Variants in ADAMTS12 observed in about 807,000 individuals in gnomAD.
ADAMTS12 encodes ADAM metallopeptidase with thrombospondin type 1 motif 12.
ADAMTS12 carries 118 observed loss-of-function variants against 167.8 expected under a neutral mutation model. The ratio of observed to expected loss-of-function variants is 0.70; its 90% confidence interval spans 0.61 to 0.82. The LOEUF is 0.82. Ranked by LOEUF, ADAMTS12 falls within the 40% of genes least tolerant of loss-of-function variation. ADAMTS12 has a pLI of 0.00. For synonymous variants in ADAMTS12, 704 were observed against 716.9 expected (o/e 0.98, Z 0.29); for missense variants, 1,916 against 1,998.8 (o/e 0.96, Z 0.79).
chr5:33,615,856 C>G lies in ADAMTS12; in HGVS notation c.2360G>C (p.Gly787Ala). The G allele has an allele frequency of 6.2e-7, 1 of 1,614,162 alleles. No individual in the cohort carries two copies. The highest frequency in any genetic ancestry group is 8.5e-7 in the Non-Finnish European group (1 of 1,180,004). The change falls in exon 15 of 24, where the codon GGT (glycine) becomes GCT (alanine). Residue 787 changes from glycine (G) to alanine (A), a missense_variant. Coordinates refer to ENST00000504830, the MANE Select transcript of ADAMTS12 (RefSeq NM_030955.4). The stretch of plus-strand genomic sequence containing the variant: ...GATCCACACAGACTCATTGGTGGGA[C>G]CTGTGGCCATCAGCTTTTCCAGGTC... ...KGDLEKLMAT[G>A]PTNESVWIQL...
intron 5 of ADAMTS12, among the ~76,000 whole-genome samples, chr5:33,666,389 G>T (rs755901477): frequency 4.6e-5 from 7 of 152,238 alleles, no homozygotes; most frequent in Non-Finnish European, 1.0e-4. Flanking sequence ...TCCACAGGAT[G>T]GGGGAGAGGC....
Position 33,642,074 on chromosome 5 carries a change from A to AT in ADAMTS12, c.1573-120dup, listed in dbSNP as rs1740481020. On this transcript the variant is annotated intron_variant, in intron 10 of 23. Transcript: ENST00000504830. ...AAGCAAGCCGGCTTTCTACAGTCAC[A>AT]TATCAGATGTAAAACAAACAGGGGC... 8 of 1,034,482 alleles carry AT rather than the reference A, an allele frequency of 7.7e-6. No homozygotes were observed. In the South Asian group the frequency reaches 1.6e-4, roughly 21 times the overall value. The allele number at this position is 1,034,482 out of a possible 1,614,324, so 64.1% of individuals were successfully genotyped here. A position where few individuals can be genotyped will look rare whatever the true frequency, so the allele number is the denominator to read the frequency against.
chr5:33,553,554 T>A (rs1006067577), intron 20 of ADAMTS12, among the ~76,000 whole-genome samples: 2 of 152,244 alleles, frequency 1.3e-5, no homozygotes, highest in African/African-American at 4.8e-5. Flanking sequence ...TGAGATCATG[T>A]CCTTTGCAGG....
rs567878944 is a variant in ADAMTS12, at chr5:33,804,530, T to C, written c.490-52982A>G. Among the ~76,000 whole-genome samples, 3 of 152,346 alleles carry C rather than the reference T, an allele frequency of 2.0e-5. No individual in the cohort carries two copies. In the East Asian group the frequency reaches 5.8e-4, roughly 29 times the overall value. ...CAGATGTGTGAGCAAGAATAAATGA[T>C]GGCTGTTTAAAGCCACTGAGTTTTA... On this transcript the variant is annotated intron_variant, in intron 2 of 23. Coordinates refer to ENST00000504830, the MANE Select transcript of ADAMTS12 (RefSeq NM_030955.4).
chr5:33,885,358 G>A (rs1222119462), intron 1 of ADAMTS12, among the ~76,000 whole-genome samples: 4 of 151,998 alleles, frequency 2.6e-5, no homozygotes, highest in Non-Finnish European at 5.9e-5. Context: ...TGAGATTTGG[G>A]GTGTGGTTTT....
chr5:33,739,268 A>AAC (rs1036389309), intron 3 of ADAMTS12, among the ~76,000 whole-genome samples: 5 of 151,610 alleles, frequency 3.3e-5, no homozygotes, highest in Admixed American at 1.3e-4. Context: ...CACACACATA[A>AAC]ACACACACAC....
chr5:33,693,673 T>A (rs200973261), intron 3 of ADAMTS12, among the ~76,000 whole-genome samples: 12 of 145,100 alleles, frequency 8.3e-5, no homozygotes, highest in Admixed American at 8.2e-4. Flanking sequence ...TACCTCACAA[T>A]ATAAAGAGTC....
rs546047216 is a variant in ADAMTS12 at position 33,675,880 on chromosome 5, C to CA, written c.915+7137dup. The stretch of plus-strand genomic sequence containing the variant: ...TTAAATTGAGGCAGCCCTAAGCACA[C>CA]AAAAAATGCAACAGGACTTCAGAGA... On this transcript the variant is annotated intron_variant, in intron 5 of 23. Coordinates refer to ENST00000504830, the MANE Select transcript of ADAMTS12 (RefSeq NM_030955.4). Among the ~76,000 whole-genome samples, 20 of 152,172 alleles carry CA rather than the reference C, an allele frequency of 1.3e-4. No individual in the cohort carries two copies. The East Asian group carries it at 3.9e-3, about 29-fold the overall frequency.
At chr5:33,695,195 T>C (rs370074469) in intron 3 of ADAMTS12, among the ~76,000 whole-genome samples, 6 of 152,206 alleles carry the variant, frequency 3.9e-5, no homozygotes, top group East Asian at 1.9e-4. Flanking sequence ...TGTTTTCAGT[T>C]AAGGTTTATT....
In ADAMTS12 at chr5:33,576,617, T is replaced by A; in HGVS notation, c.3409A>T (p.Thr1137Ser). ...SGLSSSRNPI[T>S]WPVTPFYNTL... ...TTGTAAAATGGAGTCACAGGCCAAG[T>A]GATAGGGTTGCGGGAAGATGACAAG... The change falls in exon 19 of 24, where the codon ACT becomes TCT. Residue 1137 changes from threonine to serine, a missense_variant. Coordinates refer to ENST00000504830, the MANE Select transcript of ADAMTS12 (RefSeq NM_030955.4). 1 of 1,614,182 alleles carries A rather than the reference T, an allele frequency of 6.2e-7. No homozygotes were observed. Among genetic ancestry groups the A allele is most frequent in the Non-Finnish European group, 8.5e-7 (1 of 1,180,032 alleles).
At chr5:33,631,049 T>C (rs774694243) in intron 12 of ADAMTS12, 136 bp from the exon 13 acceptor site, 10 of 921,724 alleles carry the variant, frequency 1.1e-5, no homozygotes, top group Admixed American at 2.8e-5. Flanking sequence ...TTGAGACACA[T>C]GCTGAAATAT....
At chr5:33,622,809 G>C (rs1739399107) in intron 14 of ADAMTS12, among the ~76,000 whole-genome samples, 1 of 152,136 alleles carries the variant, frequency 6.6e-6, no homozygotes, top group African/African-American at 2.4e-5. Context: ...CTATCATAGG[G>C]TGCTTAATCA....
chr5:33,585,296 G>A (rs428052), intron 18 of ADAMTS12, among the ~76,000 whole-genome samples: 57,481 of 152,058 alleles, frequency 0.38, 11,173 homozygotes, highest in East Asian at 0.63. Context: ...TTGTCTGGAT[G>A]CACTGGGTTA....
intron 2 of ADAMTS12, among the ~76,000 whole-genome samples, chr5:33,858,617 C>G (rs1307173917): frequency 6.7e-5 from 10 of 149,236 alleles, no homozygotes; most frequent in Non-Finnish European, 1.3e-4. Flanking sequence ...AAGATTACAC[C>G]ACTACCCTCC....
chr5:33,654,802 G>C (rs1409028054), intron 7 of ADAMTS12, among the ~76,000 whole-genome samples: 1 of 151,812 alleles, frequency 6.6e-6, no homozygotes, highest in Non-Finnish European at 1.5e-5. Context: ...TTACTGTCTA[G>C]AATTTTCTGC....
chr5:33,572,557 G>T (rs1169634547), intron 19 of ADAMTS12, among the ~76,000 whole-genome samples: 3 of 140,602 alleles, frequency 2.1e-5, no homozygotes, highest in African/African-American at 8.1e-5. Flanking sequence ...AAGCCTTCAT[G>T]CTAAAAACTC....
chr5:33,817,932 T>C (rs915043073), intron 2 of ADAMTS12, among the ~76,000 whole-genome samples: 1 of 152,144 alleles, frequency 6.6e-6, no homozygotes, highest in Admixed American at 6.6e-5. Flanking sequence ...TTCATATAAA[T>C]AGAGCATTGA....
intron 11 of ADAMTS12, among the ~76,000 whole-genome samples, chr5:33,639,533 T>A (rs760446083): frequency 1.3e-4 from 20 of 152,152 alleles, no homozygotes; most frequent in Non-Finnish European, 2.5e-4. Context: ...TCCTTCTCAG[T>A]GCAAAGGCAG....
intron 7 of ADAMTS12, among the ~76,000 whole-genome samples, chr5:33,657,252 C>T (rs1358834239): frequency 1.3e-5 from 2 of 152,122 alleles, no homozygotes; most frequent in African/African-American, 4.8e-5. Context: ...TGGAATAATT[C>T]AGTCTCCAGT....
Sources: allele counts gnomAD v4.1 joint callset (sites outside exome capture counted in the v4.1 genomes callset), GRCh38; gene constraint gnomAD v4.1.1; transcripts MANE v1.5; gene names NCBI Gene and HGNC (gene_info 2026-07-23, HGNC 2026-07-21).